MIX23: variants seen among roughly 807,000 people sequenced by gnomAD.
The protein encoded by MIX23 is protein MIX23.
A neutral mutation model predicts 21.6 loss-of-function variants in MIX23; 13 were observed. That is an observed-to-expected ratio of 0.60 (90% CI 0.39 to 0.96). The LOEUF is 0.96. Ranked by LOEUF, MIX23 falls within the 40% of genes least tolerant of loss-of-function variation. The probability of loss-of-function intolerance (pLI) is 0.00; values close to 1 mark genes in which losing one functional copy is unlikely to be tolerated. For synonymous variants in MIX23, 59 were observed against 58.0 expected (o/e 1.02, Z -0.08); for missense variants, 144 against 171.2 (o/e 0.84, Z 0.89).
intron 1 of MIX23, among the ~76,000 whole-genome samples, chr3:122,372,123 G>C (rs2075445917): frequency 6.9e-6 from 1 of 144,316 alleles, no homozygotes. Flanking sequence ...TCCACCTCCA[G>C]CATACAGCCA....
Position 122,362,951 on chromosome 3 carries a change from C to G in MIX23, c.384+17G>C, listed in dbSNP as rs200634146. ...TTTCCCTCCTACTTCTTTCCAAACA[C>G]CAACATTATTTTATACCTTCCAGCT... is the stretch of plus-strand genomic sequence containing the variant. On this transcript the variant is annotated intron_variant, in intron 4 of 4. Coordinates refer to ENST00000291458, the MANE Select transcript of MIX23 (RefSeq NM_001017928.4). 41 of 1,609,888 alleles carry G rather than the reference C, an allele frequency of 2.5e-5. No homozygotes were observed. Among genetic ancestry groups the G allele is most frequent in the Non-Finnish European group, 3.1e-5 (37 of 1,176,668 alleles).
chr3:122,372,373 G>C (rs1294029033), intron 1 of MIX23, among the ~76,000 whole-genome samples: 1 of 152,076 alleles, frequency 6.6e-6, no homozygotes, highest in Admixed American at 6.6e-5. Flanking sequence ...ACTAGAGAAA[G>C]GCTGGACATC....
chr3:122,378,831 G>T (rs1324914501), intron 1 of MIX23, among the ~76,000 whole-genome samples: 3 of 152,204 alleles, frequency 2.0e-5, no homozygotes, highest in African/African-American at 4.8e-5. Context: ...TAACATGGCA[G>T]ACATTAGCCA....
At chr3:122,376,212 TCA>T (rs1404663637) in intron 1 of MIX23, among the ~76,000 whole-genome samples, 1 of 146,616 alleles carries the variant, frequency 6.8e-6, no homozygotes, top group Non-Finnish European at 1.5e-5. Flanking sequence ...TATATGTTGA[TCA>T]CAGCACTATT....
chr3:122,370,178 A>G (rs73186093), intron 2 of MIX23, among the ~76,000 whole-genome samples: 2,565 of 150,486 alleles, frequency 0.017, 58 homozygotes, highest in South Asian at 0.095. Context: ...ACAGCCGGGC[A>G]TGTTGGCTCA....
At chr3:122,380,871 A>G (rs2075525982) in intron 1 of MIX23, among the ~76,000 whole-genome samples, 1 of 152,202 alleles carries the variant, frequency 6.6e-6, no homozygotes, top group African/African-American at 2.4e-5. Context: ...GGGCCTAAAC[A>G]AAGCCACTGG....
At position 122,363,144 on chromosome 3, in the gene MIX23, G is replaced by C. The variant is rs2075371874; in HGVS notation, c.325-117C>G. On this transcript the variant is annotated intron_variant, in intron 3 of 4. Coordinates refer to ENST00000291458, the MANE Select transcript of MIX23 (RefSeq NM_001017928.4). ...TGTTTACCCAACAAAACCTGCTACTGCTCTAGTATTTTTGTCTGTTAATGG... is the reference window on the plus strand; with the variant it reads ...TGTTTACCCAACAAAACCTGCTACTCCTCTAGTATTTTTGTCTGTTAATGG... 1.7e-5 allele frequency: 13 copies of C among 756,488 alleles called. No individual in the cohort carries two copies. In the South Asian group the frequency reaches 1.9e-4, roughly 11 times the overall value. 46.9% of individuals were successfully genotyped at this position (756,488 alleles called of 1,614,324 possible). A position where few individuals can be genotyped will look rare whatever the true frequency, so the allele number is the denominator to read the frequency against.
chr3:122,383,098 C>G (rs777927620), intron 1 of MIX23, 76 bp downstream of exon 1: 130 of 1,535,694 alleles, frequency 8.5e-5, no homozygotes, highest in Non-Finnish European at 6.3e-6. Context: ...CTGGTTCATA[C>G]TCCCTCGCAA....
At chr3:122,383,040 C>G (rs896188936) in intron 1 of MIX23, 134 bp downstream of exon 1, 2 of 1,218,948 alleles carry the variant, frequency 1.6e-6, no homozygotes, top group African/African-American at 3.0e-5. Context: ...CCCCCATGAC[C>G]TCCAATGGCT....
intron 1 of MIX23, among the ~76,000 whole-genome samples, chr3:122,374,836 G>C (rs765662270): frequency 2.6e-5 from 4 of 152,174 alleles, no homozygotes; most frequent in Non-Finnish European, 5.9e-5. Flanking sequence ...CTATGAAAAA[G>C]AAAACAAACT....
chr3:122,362,632 C>G (rs2075365997), intron 4 of MIX23, among the ~76,000 whole-genome samples: 1 of 151,978 alleles, frequency 6.6e-6, no homozygotes, highest in African/African-American at 2.4e-5. Flanking sequence ...CAGGCTCATG[C>G]CACCACGCTA....
intron 1 of MIX23, among the ~76,000 whole-genome samples, chr3:122,381,689 G>C (rs2075533113): frequency 6.7e-6 from 1 of 148,530 alleles, no homozygotes; most frequent in Non-Finnish European, 1.5e-5. Context: ...CTGCACTCCA[G>C]CCTGGGGGAT....
At chr3:122,371,611 G>A in intron 2 of MIX23, 64 bp downstream of exon 2, 2 of 1,557,198 alleles carry the variant, frequency 1.3e-6, no homozygotes, top group Non-Finnish European at 1.8e-6. Context: ...CAAGATAACT[G>A]ATTTCTTATT....
At chr3:122,378,394 A>G (rs980993205) in intron 1 of MIX23, among the ~76,000 whole-genome samples, 5 of 152,236 alleles carry the variant, frequency 3.3e-5, no homozygotes, top group Non-Finnish European at 5.9e-5. Flanking sequence ...TTATTGTATT[A>G]CCAGTGGAAC....
At chr3:122,367,306 A>G (rs2075404032) in intron 3 of MIX23, among the ~76,000 whole-genome samples, 1 of 152,212 alleles carries the variant, frequency 6.6e-6, no homozygotes, top group Non-Finnish European at 1.5e-5. Flanking sequence ...GAAATTATAC[A>G]AGATAAAAAG....
At chr3:122,366,110 G>C (rs1181735779) in intron 3 of MIX23, among the ~76,000 whole-genome samples, 1 of 151,866 alleles carries the variant, frequency 6.6e-6, no homozygotes, top group Non-Finnish European at 1.5e-5. Flanking sequence ...CCTGGGAGGC[G>C]GAAGTTTCAG....
intron 2 of MIX23, 65 bp downstream of exon 2, chr3:122,371,610 T>C: frequency 6.4e-7 from 1 of 1,554,618 alleles, no homozygotes. Context: ...ACAAGATAAC[T>C]GATTTCTTAT....
At chr3:122,360,778 C>A (rs1183939261) in intron 4 of MIX23, among the ~76,000 whole-genome samples, 1 of 152,046 alleles carries the variant, frequency 6.6e-6, no homozygotes, top group Non-Finnish European at 1.5e-5. Flanking sequence ...CTGCCATTGA[C>A]TATTATAAAA....
At chr3:122,374,587 T>C (rs2075468768) in intron 1 of MIX23, among the ~76,000 whole-genome samples, 1 of 152,198 alleles carries the variant, frequency 6.6e-6, no homozygotes, top group East Asian at 1.9e-4. Flanking sequence ...TCAGTATGGA[T>C]GCAACTTTTT....
Sources: gnomAD v4.1 joint callset for allele counts (sites outside exome capture counted in the v4.1 genomes callset) on GRCh38, gnomAD v4.1.1 for gene constraint, MANE v1.5 for transcripts, NCBI Gene and HGNC (gene_info 2026-07-23, HGNC 2026-07-21) for gene names.